Variants in C21orf91 observed in about 807,000 individuals in gnomAD.
C21orf91 encodes the protein chromosome 21 open reading frame 91.
Under a neutral mutation model 32.9 loss-of-function variants are expected in C21orf91, and 26 were observed. The ratio of observed to expected loss-of-function variants is 0.79; its 90% CI spans 0.58 to 1.10. C21orf91 has a LOEUF of 1.10. C21orf91 is among the 50% of genes least tolerant of loss of function. C21orf91 has a pLI of 0.00. For synonymous variants in C21orf91, 126 were observed against 120.4 expected (o/e 1.05, Z -0.31); for missense variants, 310 against 341.3 (o/e 0.91, Z 0.72).
At chr21:17,801,278 T>TC (rs1001829363) in intron 2 of C21orf91, among the ~76,000 whole-genome samples, 1 of 151,894 alleles carries the variant, frequency 6.6e-6, no homozygotes, top group Non-Finnish European at 1.5e-5. Flanking sequence ...CCGTATGTTT[T>TC]TTTTTTTTTT....
In C21orf91 at chr21:17,798,990, G is replaced by A. The variant is rs539846244; in HGVS notation, c.128-1872C>T. Among the ~76,000 whole-genome samples the A allele has an allele frequency of 3.9e-5, 6 of 152,246 alleles. No individual in the cohort carries two copies. The East Asian group carries it at 1.2e-3, about 29-fold the overall frequency. Reference sequence around the variant, plus strand: ...CCCTCTGCAAACTCTTTTAGGTCTTGTTGCCAACAGATGGTTAGCTAATCC... The same window carrying A: ...CCCTCTGCAAACTCTTTTAGGTCTTATTGCCAACAGATGGTTAGCTAATCC... On this transcript the variant is annotated intron_variant, in intron 2 of 4. Coordinates refer to ENST00000284881, the MANE Select transcript of C21orf91 (RefSeq NM_001100420.2).
In C21orf91 at chr21:17,799,490, C is replaced by T. The variant is rs539808719; in HGVS notation, c.128-2372G>A. On this transcript the variant is annotated intron_variant, in intron 2 of 4. Transcript: ENST00000284881. ...TCCTCCTTGAAAGCTCTTCACTCCC[C>T]GCAATCCCAGAGGTTTTGCTGACCG... Among the ~76,000 whole-genome samples, 43 of 152,192 alleles carry T rather than the reference C, an allele frequency of 2.8e-4. 1 individual carries two copies. The South Asian group carries it at 2.9e-3, about 10-fold the overall frequency.
At chr21:17,801,438 G>A (rs1443485356) in intron 2 of C21orf91, among the ~76,000 whole-genome samples, 1 of 151,842 alleles carries the variant, frequency 6.6e-6, no homozygotes. Context: ...GCCTGGCTAA[G>A]TTTTTGTATT....
Position 17,803,425 on chromosome 21 carries a change from C to T in C21orf91, c.128-6307G>A, listed in dbSNP as rs143798997. ...GTCCCAGCTACTTAGGTGGGAGGAT[C>T]GCTTGGGCCAGAGAGGCACAGGCTG... On this transcript the variant is annotated intron_variant, in intron 2 of 4. Transcript: ENST00000284881. Among the ~76,000 whole-genome samples the T allele has an allele frequency of 4.3e-3, 660 of 152,204 alleles. 9 individuals carry two copies. In the South Asian group the frequency reaches 0.047, roughly 11 times the overall value.
intron 4 of C21orf91, among the ~76,000 whole-genome samples, chr21:17,794,395 G>C (rs2062502237): frequency 6.6e-6 from 1 of 152,218 alleles, no homozygotes; most frequent in African/African-American, 2.4e-5. Context: ...GTGTGATAAT[G>C]AGACTGTGAC....
chr21:17,795,501 G>A (rs1416652678), intron 3 of C21orf91, among the ~76,000 whole-genome samples: 1 of 152,130 alleles, frequency 6.6e-6, no homozygotes, highest in African/African-American at 2.4e-5. Flanking sequence ...TTGAGACAGG[G>A]TCTCACTTTG....
chr21:17,794,058 CATT>C (rs1291012399), intron 4 of C21orf91, among the ~76,000 whole-genome samples: 1 of 152,148 alleles, frequency 6.6e-6, no homozygotes, highest in Admixed American at 6.5e-5. Context: ...TTCTGTGTAA[CATT>C]AATAATGATA....
intron 2 of C21orf91, among the ~76,000 whole-genome samples, chr21:17,800,622 G>A (rs1351162445): frequency 2.0e-5 from 3 of 152,130 alleles, no homozygotes; most frequent in Non-Finnish European, 2.9e-5. Context: ...TTTTGAAAGG[G>A]AATAAATCTA....
chr21:17,817,923 A>T (rs2062675345), intron 2 of C21orf91: 1 of 267,896 alleles, frequency 3.7e-6, no homozygotes, highest in African/African-American at 2.2e-5. Context: ...ACCAGAAAAC[A>T]CGTTTCCCAG....
intron 2 of C21orf91, among the ~76,000 whole-genome samples, chr21:17,807,798 T>C (rs2062607975): frequency 6.6e-6 from 1 of 152,174 alleles, no homozygotes; most frequent in Non-Finnish European, 1.5e-5. Flanking sequence ...AGAGTGATGA[T>C]TTAGGCTATC....
rs551468173 is a variant in C21orf91 at position 17,800,139 on chromosome 21, A to G, written c.128-3021T>C. 1.4e-4 allele frequency among the ~76,000 whole-genome samples: 18 copies of G among 124,756 alleles called. No individual in the cohort carries two copies. In the East Asian group the frequency reaches 3.3e-3, roughly 23 times the overall value. 81.8% of individuals were successfully genotyped at this position (124,756 alleles called of 152,430 possible). On this transcript the variant is annotated intron_variant, in intron 2 of 4. Transcript: ENST00000284881. ...TATATTTTTAAATAGAAATTTACAT[A>G]CAGAAAATATACAAGAAGATGGTTT...
At position 17,793,560 on chromosome 21, in the gene C21orf91, T is replaced by C. The variant is rs1237273828; in HGVS notation, c.749A>G (p.His250Arg). 2 of 1,612,328 alleles carry C rather than the reference T, an allele frequency of 1.2e-6. No individual in the cohort carries two copies. The highest frequency in any genetic ancestry group is 1.7e-6 in the Non-Finnish European group (2 of 1,178,926). ...CAAAGAATCTTTTTCTTGCACTTGG[T>C]GAGTTAACTCTTCAAAAACTTCTGT... ...QIQEVFEELT[H>R]QVQEKDSLAS... Residue 250 changes from histidine (H) to arginine (R), a missense_variant, in exon 5 of 5, where the codon CAC becomes CGC. His to Arg is a conservative substitution (Grantham distance 29). Transcript: ENST00000284881.
At chr21:17,815,278 G>T (rs1178669894) in intron 2 of C21orf91, among the ~76,000 whole-genome samples, 1 of 152,216 alleles carries the variant, frequency 6.6e-6, no homozygotes, top group Middle Eastern at 3.4e-3. Context: ...TTCCTCAAGA[G>T]AATTTATTTT....
chr21:17,801,935 C>T (rs1223773741), intron 2 of C21orf91, among the ~76,000 whole-genome samples: 2 of 151,432 alleles, frequency 1.3e-5, no homozygotes, highest in African/African-American at 4.8e-5. Context: ...AAAAGCTGTT[C>T]CTATTCAATA....
At position 17,789,330 on chromosome 21, in the gene C21orf91, T is replaced by G. The variant is rs558489489; in HGVS notation, c.*4085A>C. 3 of 151,884 alleles carry G rather than the reference T, an allele frequency of 2.0e-5. No homozygotes were observed. The South Asian group carries it at 6.2e-4, about 31-fold the overall frequency. 9.4% of individuals were successfully genotyped at this position (151,884 alleles called of 1,614,324 possible). On this transcript the variant is annotated 3_prime_UTR_variant, in exon 5 of 5. Coordinates refer to ENST00000284881, the MANE Select transcript of C21orf91 (RefSeq NM_001100420.2). ...AGTCACTACTTAATACTTTCTAAAT[T>G]GCCTCTTTTGGAGGTACGGTGAAAG... is the stretch of plus-strand genomic sequence containing the variant.
chr21:17,807,049 T>C (rs2146257484), intron 2 of C21orf91, among the ~76,000 whole-genome samples: 1 of 152,374 alleles, frequency 6.6e-6, no homozygotes, highest in East Asian at 1.9e-4. Flanking sequence ...CTGACTTTTC[T>C]GGAGAACTTT....
rs543901129 is a variant in C21orf91, at chr21:17,808,247, CAG to C, written c.127+9943_127+9944del. On this transcript the variant is annotated intron_variant, in intron 2 of 4. Coordinates refer to ENST00000284881, the MANE Select transcript of C21orf91 (RefSeq NM_001100420.2). ...CAGGATATGTCTCAGGCCTCTGCTC[CAG>C]AGAGTGCAAGCTGTAAGCCTTGGGG... 4.3e-4 allele frequency among the ~76,000 whole-genome samples: 66 copies of C among 152,366 alleles called. No homozygotes were observed. The South Asian group carries it at 0.011, about 26-fold the overall frequency.
chr21:17,801,517 G>A (rs144503341), intron 2 of C21orf91, among the ~76,000 whole-genome samples: 2,976 of 152,064 alleles, frequency 0.02, 90 homozygotes, highest in African/African-American at 0.068. Flanking sequence ...TGATCCGCCC[G>A]CCTCGGCCTC....
chr21:17,799,628 T>C (rs773814360), intron 2 of C21orf91, among the ~76,000 whole-genome samples: 4 of 152,154 alleles, frequency 2.6e-5, no homozygotes, highest in Non-Finnish European at 5.9e-5. Flanking sequence ...CATCACCTCC[T>C]GTCTAGTTCT....
Sources: gnomAD v4.1 joint callset for allele counts (sites outside exome capture counted in the v4.1 genomes callset) on GRCh38, gnomAD v4.1.1 for gene constraint, MANE v1.5 for transcripts, NCBI Gene and HGNC (gene_info 2026-07-23, HGNC 2026-07-21) for gene names.